PLCL2: variants seen among roughly 807,000 people sequenced by gnomAD.
The protein encoded by PLCL2 is phospholipase C like 2.
PLCL2 carries 4 observed loss-of-function variants against 79.6 expected under a neutral mutation model. That is an observed-to-expected ratio of 0.05 (90% CI 0.02 to 0.11). The LOEUF (loss-of-function observed/expected upper bound fraction) is 0.11. Among genes scored for constraint, PLCL2 ranks in the 10% least tolerant of loss-of-function variants. The pLI is 1.00. For synonymous variants in PLCL2, 484 were observed against 457.7 expected (o/e 1.06, Z -0.73); for missense variants, 895 against 1,291.0 (o/e 0.69, Z 4.70).
chr3:16,975,971 G>A (rs1182313985), intron 1 of PLCL2, among the ~76,000 whole-genome samples: 2 of 152,146 alleles, frequency 1.3e-5, no homozygotes, highest in African/African-American at 2.4e-5. Context: ...CACAGTGCCT[G>A]CAGTGCCTTA....
At chr3:16,911,403 G>T in intron 1 of PLCL2, among the ~76,000 whole-genome samples, 1 of 152,090 alleles carries the variant, frequency 6.6e-6, no homozygotes, top group Non-Finnish European at 1.5e-5. Context: ...AGCTTAGTGG[G>T]AGAGTAGGGA....
At position 16,999,095 on chromosome 3, in the gene PLCL2, T is replaced by C. The variant is rs562393222; in HGVS notation, c.328-10579T>C. 2.4e-4 allele frequency among the ~76,000 whole-genome samples: 37 copies of C among 152,346 alleles called. 1 individual carries two copies. The South Asian group carries it at 7.3e-3, about 30-fold the overall frequency. On this transcript the variant is annotated intron_variant, in intron 1 of 5. Coordinates refer to ENST00000615277, the MANE Select transcript of PLCL2 (RefSeq NM_001144382.2). The stretch of plus-strand genomic sequence containing the variant: ...ATTTGTACTCTTATGTGAATACTTA[T>C]ACAAGACTTAAATGATCATTTTAAT...
intron 4 of PLCL2, among the ~76,000 whole-genome samples, chr3:17,066,322 A>G (rs1348539426): frequency 6.6e-6 from 1 of 152,232 alleles, no homozygotes; most frequent in South Asian, 2.1e-4. Flanking sequence ...CATAACAGGA[A>G]GTAGGACCAT....
chr3:17,012,784 G>A (rs1035714791), intron 2 of PLCL2, among the ~76,000 whole-genome samples: 2 of 152,204 alleles, frequency 1.3e-5, no homozygotes, highest in Middle Eastern at 6.8e-3. Flanking sequence ...ATTAAGGATC[G>A]CCCACACATC....
intron 4 of PLCL2, among the ~76,000 whole-genome samples, chr3:17,052,325 G>A (rs998083891): frequency 5.9e-5 from 9 of 151,924 alleles, no homozygotes; most frequent in African/African-American, 1.7e-4. Context: ...CACACCAGAG[G>A]AATTAACAGA....
In PLCL2 at chr3:16,946,953, C is replaced by CTTTTTTTTTTTTT. The variant is rs1056023349; in HGVS notation, c.327+61595_327+61607dup. ...ATGAATATAAAATTAAAGTTTCATT[C>CTTTTTTTTTTTTT]TTTTTTTTTTTTTTTTTTTTGAGAC... On this transcript the variant is annotated intron_variant, in intron 1 of 5. Transcript: ENST00000615277. 1.1e-3 allele frequency among the ~76,000 whole-genome samples: 101 copies of CTTTTTTTTTTTTT among 95,388 alleles called. 5 individuals carry two copies. The highest frequency in any genetic ancestry group is 1.8e-3 in the African/African-American group (42 of 23,020). The allele number at this position is 95,388 out of a possible 152,430, so 62.6% of individuals were successfully genotyped here.
At chr3:17,067,693 T>G (rs1196239330) in intron 4 of PLCL2, among the ~76,000 whole-genome samples, 1 of 152,180 alleles carries the variant, frequency 6.6e-6, no homozygotes, top group African/African-American at 2.4e-5. Context: ...TTCTCTAAAA[T>G]AAGAATAACA....
intron 4 of PLCL2, among the ~76,000 whole-genome samples, chr3:17,061,516 A>C (rs2064953532): frequency 6.6e-6 from 1 of 152,068 alleles, no homozygotes. Flanking sequence ...ATTATAATTC[A>C]TTTTTTGTCA....
Position 17,089,931 on chromosome 3 carries a change from A to G in PLCL2, c.*19A>G. The stretch of plus-strand genomic sequence containing the variant: ...AGAATGAGGAAACTTACAATAAACC[A>G]TTATGGAGTTTATAACTCTAGGACC... On this transcript the variant is annotated 3_prime_UTR_variant, in exon 6 of 6. Transcript: ENST00000615277. 1 of 1,607,506 alleles carries G rather than the reference A, an allele frequency of 6.2e-7. No homozygotes were observed. Among genetic ancestry groups the G allele is most frequent in the East Asian group, 2.2e-5 (1 of 44,830 alleles).
At chr3:17,021,704 T>G (rs180722892) in intron 3 of PLCL2, among the ~76,000 whole-genome samples, 4,307 of 151,986 alleles carry the variant, frequency 0.028, 220 homozygotes, top group African/African-American at 0.1. Flanking sequence ...TGAAAGAGAC[T>G]TAATCACATA....
rs1266842298 is a variant in PLCL2 at position 17,062,033 on chromosome 3, C to T, written c.3095-5923C>T. Among the ~76,000 whole-genome samples the T allele has an allele frequency of 2.0e-5, 3 of 152,262 alleles. No homozygotes were observed. In the East Asian group the frequency reaches 5.8e-4, roughly 29 times the overall value. On this transcript the variant is annotated intron_variant, in intron 4 of 5. Coordinates refer to ENST00000615277, the MANE Select transcript of PLCL2 (RefSeq NM_001144382.2). Reference sequence around the variant, plus strand: ...AACATTCCAGAAGAAAAATAACCCACTGCTTTTCCCTAGGAACAGAAACTT... The same window carrying T: ...AACATTCCAGAAGAAAAATAACCCATTGCTTTTCCCTAGGAACAGAAACTT...
intron 5 of PLCL2, among the ~76,000 whole-genome samples, chr3:17,068,928 A>G (rs2065035100): frequency 6.6e-6 from 1 of 152,224 alleles, no homozygotes; most frequent in African/African-American, 2.4e-5. Context: ...CAATTAATAA[A>G]TGTAAAATTA....
intron 1 of PLCL2, among the ~76,000 whole-genome samples, chr3:16,955,459 C>T (rs1465883101): frequency 2.6e-5 from 4 of 152,160 alleles, no homozygotes; most frequent in East Asian, 1.9e-4. Context: ...AGTCAGGTAG[C>T]GTGATGCCTC....
intron 1 of PLCL2, among the ~76,000 whole-genome samples, chr3:17,008,544 T>A (rs1278525120): frequency 6.6e-6 from 1 of 152,138 alleles, no homozygotes; most frequent in East Asian, 1.9e-4. Flanking sequence ...AGGGAGCTGG[T>A]TCCATGGGCC....
chr3:16,943,546 A>G (rs1383035923), intron 1 of PLCL2, among the ~76,000 whole-genome samples: 1 of 152,248 alleles, frequency 6.6e-6, no homozygotes, highest in East Asian at 1.9e-4. Context: ...ATCAGACTGC[A>G]GAAAGGCTTA....
intron 4 of PLCL2, among the ~76,000 whole-genome samples, chr3:17,055,772 C>T (rs761355736): frequency 6.6e-6 from 1 of 152,032 alleles, no homozygotes; most frequent in African/African-American, 2.4e-5. Context: ...GCAGAGCAGG[C>T]CCTCTTCTGA....
intron 3 of PLCL2, among the ~76,000 whole-genome samples, chr3:17,026,242 C>T (rs530874806): frequency 6.6e-6 from 1 of 152,294 alleles, no homozygotes; most frequent in African/African-American, 2.4e-5. Flanking sequence ...AAATTACTCT[C>T]ACACAGTGGG....
chr3:16,935,194 T>A (rs114472373), intron 1 of PLCL2, among the ~76,000 whole-genome samples: 2,230 of 152,334 alleles, frequency 0.015, 23 homozygotes, highest in Non-Finnish European at 0.022. Flanking sequence ...TATCAACTAA[T>A]TATATTTCCA....
intron 1 of PLCL2, among the ~76,000 whole-genome samples, chr3:16,966,896 G>A (rs938016072): frequency 2.0e-5 from 3 of 151,956 alleles, no homozygotes; most frequent in East Asian, 1.9e-4. Flanking sequence ...TACCTGTTAG[G>A]TAGTGTTTTG....
Sources: allele counts gnomAD v4.1 joint callset (sites outside exome capture counted in the v4.1 genomes callset), GRCh38; gene constraint gnomAD v4.1.1; transcripts MANE v1.5; gene names NCBI Gene and HGNC (gene_info 2026-07-23, HGNC 2026-07-21).